Variants in KIRREL3 observed in about 807,000 individuals in gnomAD.
KIRREL3 encodes the protein kirre like nephrin family adhesion molecule 3.
A neutral mutation model predicts 89.7 loss-of-function variants in KIRREL3; 36 were observed. The observed-to-expected ratio is 0.40, with a 90% CI of 0.31 to 0.53. The LOEUF (loss-of-function observed/expected upper bound fraction) is 0.53, where lower values mean the gene tolerates loss of function less well. Among genes scored for constraint, KIRREL3 ranks in the 20% least tolerant of loss-of-function variants. KIRREL3 has a pLI of 0.49. For missense variants in KIRREL3, 864 were observed against 1,056.6 expected, an observed-to-expected ratio of 0.82 and a Z score of 2.53; for synonymous variants, 445 against 441.4, an observed-to-expected ratio of 1.01 and a Z score of -0.10.
In KIRREL3 at chr11:126,524,594, T is replaced by G. The variant is rs190146269; in HGVS notation, c.283+1944A>C. Among the ~76,000 whole-genome samples the G allele has an allele frequency of 3.7e-3, 565 of 152,312 alleles. 9 individuals are homozygous for G. Among genetic ancestry groups the G allele is most frequent in the Non-Finnish European group, 1.3e-3 (91 of 68,020 alleles). On this transcript the variant is annotated intron_variant, in intron 3 of 16. Transcript: ENST00000525144. ...AAAATGTGCTATCAATATGAAGAAG[T>G]GCATTTATAAATCATTTTCTTTGAC... is the stretch of plus-strand genomic sequence containing the variant.
In KIRREL3 at chr11:126,687,239, C is replaced by G. The variant is rs1946699316; in HGVS notation, c.56-124327G>C. Among the ~76,000 whole-genome samples the G allele has an allele frequency of 6.6e-6, 1 of 152,230 alleles. No individual in the cohort carries two copies. Among genetic ancestry groups the G allele is most frequent in the Non-Finnish European group, 1.5e-5 (1 of 68,040 alleles). ...CAGTGAGCTAGTCCTTATTTTCACA[C>G]CTGGCTTTCTTGCCTAAGCAAATTC... On this transcript the variant is annotated intron_variant, in intron 1 of 16. Coordinates refer to ENST00000525144, the MANE Select transcript of KIRREL3 (RefSeq NM_032531.4). The surrounding 1 kb of genome is among the most constrained non-coding windows in gnomAD (Gnocchi z 4.6).
rs1944803034 is a variant in KIRREL3, at chr11:126,863,530, TGA to T, written c.55+136923_55+136924del. On this transcript the variant is annotated intron_variant, in intron 1 of 16. Transcript: ENST00000525144. ...GTGCGTGTGTGTTTGAGTGCGTGTG[TGA>T]GTGCGTGTGAGTGTGTGAGTGCATG... 3.3e-5 allele frequency among the ~76,000 whole-genome samples: 5 copies of T among 149,296 alleles called. No individual in the cohort carries two copies. In the South Asian group the frequency reaches 1.1e-3, roughly 32 times the overall value.
Position 126,914,915 on chromosome 11 carries a change from T to C in KIRREL3, c.55+85540A>G, listed in dbSNP as rs1784337. On this transcript the variant is annotated intron_variant, in intron 1 of 16. Coordinates refer to ENST00000525144, the MANE Select transcript of KIRREL3 (RefSeq NM_032531.4). Reference sequence around the variant, plus strand: ...AGACAATTAACATTTTAATGTTGTATATTCACAGCACATCTGTGGGTCAGT... The same window carrying C: ...AGACAATTAACATTTTAATGTTGTACATTCACAGCACATCTGTGGGTCAGT... 1.8e-3 allele frequency among the ~76,000 whole-genome samples: 280 copies of C among 152,244 alleles called. 8 individuals carry two copies. Among genetic ancestry groups the C allele is most frequent in the Admixed American group, 1.4e-3 (22 of 15,284 alleles).
At chr11:126,503,854 C>T (rs560084895) in intron 4 of KIRREL3, among the ~76,000 whole-genome samples, 22 of 151,162 alleles carry the variant, frequency 1.5e-4, no homozygotes, top group Middle Eastern at 6.9e-3. Context: ...CCTTTATCTC[C>T]CTCTTCCTCT....
intron 1 of KIRREL3, among the ~76,000 whole-genome samples, chr11:126,604,012 A>G (rs1278079192): frequency 6.6e-6 from 1 of 152,186 alleles, no homozygotes; most frequent in South Asian, 2.1e-4. Context: ...CACGTTATCC[A>G]TTCACTTTTC....
intron 1 of KIRREL3, among the ~76,000 whole-genome samples, chr11:126,886,215 T>C (rs1185441944): frequency 6.6e-6 from 1 of 152,214 alleles, no homozygotes; most frequent in Non-Finnish European, 1.5e-5. Context: ...GTCTCAATGT[T>C]GGGAGATAGC....
Position 126,673,821 on chromosome 11 carries a change from C to T in KIRREL3, c.56-110909G>A, listed in dbSNP as rs551275329. ...AAGCAATGAAAGAAGCTCTAAACAC[C>T]GGGATGGATGTTCCTCCCTCCACAT... On this transcript the variant is annotated intron_variant, in intron 1 of 16. Coordinates refer to ENST00000525144, the MANE Select transcript of KIRREL3 (RefSeq NM_032531.4). 1.2e-3 allele frequency among the ~76,000 whole-genome samples: 177 copies of T among 152,314 alleles called. 4 individuals carry two copies. The South Asian group carries it at 0.026, about 23-fold the overall frequency.
chr11:126,461,702 C>T (rs377127813), intron 6 of KIRREL3, among the ~76,000 whole-genome samples: 26 of 152,226 alleles, frequency 1.7e-4, no homozygotes, highest in African/African-American at 6.0e-4. Flanking sequence ...CTGGGAACTT[C>T]TGCTCTCAGC....
chr11:126,456,309 G>A (rs1434783758), intron 7 of KIRREL3, 40 bp downstream of exon 7: 18 of 1,384,908 alleles, frequency 1.3e-5, no homozygotes, highest in Admixed American at 2.0e-5. Flanking sequence ...GGGGGTGGGG[G>A]CCAGTGGCCA....
In KIRREL3 at chr11:126,495,954, T is replaced by A. The variant is rs1047833294; in HGVS notation, c.434-22488A>T. ...CTTTGAAACATGCACAGATCATCCTTTCTCAGTATCTGCACTGCTACTACC... is the reference window on the plus strand; with the variant it reads ...CTTTGAAACATGCACAGATCATCCTATCTCAGTATCTGCACTGCTACTACC... On this transcript the variant is annotated intron_variant, in intron 4 of 16. Transcript: ENST00000525144. This position sits in a 1 kb window ranked among gnomAD's most constrained non-coding sequence, Gnocchi z 6.5. Among the ~76,000 whole-genome samples, 2 of 152,202 alleles carry A rather than the reference T, an allele frequency of 1.3e-5. No homozygotes were observed. Among genetic ancestry groups the A allele is most frequent in the African/African-American group, 4.8e-5 (2 of 41,454 alleles).
rs1948522820 is a variant in KIRREL3 at position 126,943,511 on chromosome 11, G to A, written c.55+56944C>T. ...GAGTGTACAAGCATATTTACACAAC[G>A]CCATGGAGCATGGGTGAAGGATGAG... On this transcript the variant is annotated intron_variant, in intron 1 of 16. Coordinates refer to ENST00000525144, the MANE Select transcript of KIRREL3 (RefSeq NM_032531.4). The surrounding 1 kb of genome is among the most constrained non-coding windows in gnomAD (Gnocchi z 4.2). Among the ~76,000 whole-genome samples the A allele has an allele frequency of 3.3e-5, 5 of 152,306 alleles. No homozygotes were observed. The highest frequency in any genetic ancestry group is 1.2e-4 in the African/African-American group (5 of 41,564).
chr11:126,552,581 T>TTTTTTTTTTTTTG (rs1939368571), intron 2 of KIRREL3, among the ~76,000 whole-genome samples: 1 of 133,908 alleles, frequency 7.5e-6, no homozygotes. Context: ...TTTTTTTTTT[T>TTTTTTTTTTTTTG]GAGACAGAGT....
intron 4 of KIRREL3, among the ~76,000 whole-genome samples, chr11:126,494,333 C>T (rs567071412): frequency 6.6e-6 from 1 of 152,142 alleles, no homozygotes; most frequent in African/African-American, 2.4e-5. Context: ...GATTTTAATA[C>T]ACCTGCTTTT....
At chr11:126,746,872 C>A (rs1949169405) in intron 1 of KIRREL3, among the ~76,000 whole-genome samples, 1 of 152,206 alleles carries the variant, frequency 6.6e-6, no homozygotes, top group Non-Finnish European at 1.5e-5. Context: ...AGTCCCTCCC[C>A]TTGAGATTCT....
At chr11:126,617,802 G>A (rs917350845) in intron 1 of KIRREL3, among the ~76,000 whole-genome samples, 21 of 152,302 alleles carry the variant, frequency 1.4e-4, no homozygotes, top group African/African-American at 4.6e-4. Context: ...CTGTATATAA[G>A]TAGCAAAACT....
chr11:126,704,479 G>A lies in KIRREL3; in HGVS notation c.56-141567C>T, dbSNP rs932470274. On this transcript the variant is annotated intron_variant, in intron 1 of 16. Transcript: ENST00000525144. The surrounding 1 kb of genome is among the most constrained non-coding windows in gnomAD (Gnocchi z 4.2). ...CACAGTCTTGTCACTTAGAAGGTCT[G>A]TCTGAGAGACCTTGGTGGAGTGCAG... Among the ~76,000 whole-genome samples, 4 of 152,216 alleles carry A rather than the reference G, an allele frequency of 2.6e-5. No homozygotes were observed. Among genetic ancestry groups the A allele is most frequent in the Non-Finnish European group, 5.9e-5 (4 of 68,042 alleles).
At chr11:126,426,662 G>A (rs1271406984) in intron 15 of KIRREL3, among the ~76,000 whole-genome samples, 1 of 152,174 alleles carries the variant, frequency 6.6e-6, no homozygotes, top group Non-Finnish European at 1.5e-5. Flanking sequence ...TGTGACACAC[G>A]AGAGGCTTGC....
At chr11:126,451,928 A>G (rs1265382771) in intron 7 of KIRREL3, among the ~76,000 whole-genome samples, 1 of 152,124 alleles carries the variant, frequency 6.6e-6, no homozygotes, top group Admixed American at 6.5e-5. Flanking sequence ...GCGTCACCCC[A>G]CAGCCACTGC....
rs114165789 is a variant in KIRREL3, at chr11:126,684,899, T to C, written c.56-121987A>G. Among the ~76,000 whole-genome samples, 6,493 of 152,174 alleles carry C rather than the reference T, an allele frequency of 0.043. 199 individuals are homozygous for C. Among genetic ancestry groups the C allele is most frequent in the Non-Finnish European group, 0.051 (3,450 of 68,006 alleles). On this transcript the variant is annotated intron_variant, in intron 1 of 16. Transcript: ENST00000525144. The surrounding 1 kb of genome is among the most constrained non-coding windows in gnomAD (Gnocchi z 4.2). ...AAGTTGATGGTCTGGTCACTAATGGTCCTCAGCAGGACAGGCTTCTTTGTC... is the reference window on the plus strand; with the variant it reads ...AAGTTGATGGTCTGGTCACTAATGGCCCTCAGCAGGACAGGCTTCTTTGTC...
Sources: gnomAD v4.1 joint callset for allele counts (sites outside exome capture counted in the v4.1 genomes callset) on GRCh38, gnomAD v4.1.1 for gene constraint, Gnocchi (gnomAD v3.1) non-coding constraint, MANE v1.5 for transcripts, NCBI Gene and HGNC (gene_info 2026-07-23, HGNC 2026-07-21) for gene names.